The following KIRREL3 variants were observed in gnomAD, a reference collection of about 807,000 sequenced individuals.
KIRREL3 encodes the protein kirre like nephrin family adhesion molecule 3.
A neutral mutation model predicts 89.7 loss-of-function variants in KIRREL3; 36 were observed. The observed-to-expected ratio is 0.40, with a 90% CI of 0.31 to 0.53. The LOEUF (loss-of-function observed/expected upper bound fraction) is 0.53. Among genes scored for constraint, KIRREL3 ranks in the 20% least tolerant of loss-of-function variants. The pLI is 0.49. For missense variants in KIRREL3, 864 were observed against 1,056.6 expected, an observed-to-expected ratio of 0.82 and a Z score of 2.53; for synonymous variants, 445 against 441.4, an observed-to-expected ratio of 1.01 and a Z score of -0.10.
intron 1 of KIRREL3, among the ~76,000 whole-genome samples, chr11:126,862,835 A>G (rs1944747240): frequency 6.6e-6 from 1 of 152,226 alleles, no homozygotes. Flanking sequence ...TTGACAGTGT[A>G]GACACTCGAG....
Position 126,424,388 on chromosome 11 carries a change from T to G in KIRREL3, c.*192A>C, listed in dbSNP as rs1206634922. ...GTCTGTCTCCCCACCCGCCCACCTC[T>G]GGCACACAGCACCTGGGGACCCAGA... is the stretch of plus-strand genomic sequence containing the variant. On this transcript the variant is annotated 3_prime_UTR_variant, in exon 17 of 17. Transcript: ENST00000525144. The G allele has an allele frequency of 2.9e-5, 11 of 383,028 alleles. No individual in the cohort carries two copies. Among genetic ancestry groups the G allele is most frequent in the East Asian group, 6.6e-5 (1 of 15,228 alleles). The allele number at this position is 383,028 out of a possible 1,614,324, so 23.7% of individuals were successfully genotyped here. A position where few individuals can be genotyped will look rare whatever the true frequency, so the allele number is the denominator to read the frequency against.
At chr11:126,472,703 G>GGAGAGGGAGAGAGAGAGAGAGAGAGA (rs1843646588) in intron 5 of KIRREL3, among the ~76,000 whole-genome samples, 2 of 134,144 alleles carry the variant, frequency 1.5e-5, no homozygotes, top group African/African-American at 5.6e-5. Context: ...AGGACATAGA[G>GGAGAGGGAGAGAGAGAGAGAGAGAGA]GAGAGAGAGA....
chr11:126,629,002 C>T (rs973650596), intron 1 of KIRREL3, among the ~76,000 whole-genome samples: 1 of 152,208 alleles, frequency 6.6e-6, no homozygotes. Context: ...GAATGACTGG[C>T]CATGGAATGC....
chr11:126,509,866 G>A (rs1219016873), intron 4 of KIRREL3, among the ~76,000 whole-genome samples: 2 of 151,834 alleles, frequency 1.3e-5, no homozygotes, highest in Non-Finnish European at 2.9e-5. Context: ...GCGTGGTGGT[G>A]CACATCTGTA....
In KIRREL3 at chr11:126,582,163, G is replaced by C. The variant is rs879435564; in HGVS notation, c.56-19251C>G. The stretch of plus-strand genomic sequence containing the variant: ...ACTGGGTGATACTGAGCCAATCGTG[G>C]AGCCTCTCTGGGCTTTTGTCTTCTC... On this transcript the variant is annotated intron_variant, in intron 1 of 16. Coordinates refer to ENST00000525144, the MANE Select transcript of KIRREL3 (RefSeq NM_032531.4). Among the ~76,000 whole-genome samples the C allele has an allele frequency of 3.9e-5, 6 of 152,192 alleles. No homozygotes were observed. The East Asian group carries it at 5.8e-4, about 15-fold the overall frequency.
intron 1 of KIRREL3, chr11:126,920,400 C>T (rs1487274487): frequency 6.6e-6 from 1 of 152,196 alleles, no homozygotes; most frequent in Non-Finnish European, 1.5e-5. Flanking sequence ...AGTTAAATCT[C>T]CCTCAATGTG....
chr11:126,572,576 C>G (rs941953207), intron 1 of KIRREL3, among the ~76,000 whole-genome samples: 11 of 140,260 alleles, frequency 7.8e-5, no homozygotes, highest in Non-Finnish European at 1.1e-4. Flanking sequence ...GAGGGGACCC[C>G]CCCCCCGCCA....
At position 126,432,772 on chromosome 11, in the gene KIRREL3, T is replaced by C. The variant is rs1246972317; in HGVS notation, c.1589-1246A>G. Among the ~76,000 whole-genome samples the C allele has an allele frequency of 6.6e-6, 1 of 152,214 alleles. No homozygotes were observed. Among genetic ancestry groups the C allele is most frequent in the Non-Finnish European group, 1.5e-5 (1 of 68,036 alleles). On this transcript the variant is annotated intron_variant, in intron 13 of 16. Coordinates refer to ENST00000525144, the MANE Select transcript of KIRREL3 (RefSeq NM_032531.4). This position sits in a 1 kb window ranked among gnomAD's most constrained non-coding sequence, Gnocchi z 6.2. ...GTACCGGCCCCTCTGAGGGTTGTTA[T>C]GGGCTTGAGCTGGGTGAATGTGGGC...
chr11:126,863,614 C>A (rs377345161), intron 1 of KIRREL3, among the ~76,000 whole-genome samples: 3 of 18,840 alleles, frequency 1.6e-4, no homozygotes, highest in Non-Finnish European at 2.6e-4. Context: ...TGTTTGCGTG[C>A]GTGTGTGTGT....
rs113641777 is a variant in KIRREL3 at position 126,507,230 on chromosome 11, G to A, written c.433+14085C>T. The stretch of plus-strand genomic sequence containing the variant: ...TGGGAGTGAGGATTGACAAGGGATC[G>A]TTTTAGGGTGATGAAAATGTTCTAA... On this transcript the variant is annotated intron_variant, in intron 4 of 16. Coordinates refer to ENST00000525144, the MANE Select transcript of KIRREL3 (RefSeq NM_032531.4). Among the ~76,000 whole-genome samples the A allele has an allele frequency of 2.7e-3, 406 of 152,062 alleles. 2 individuals carry two copies. Among genetic ancestry groups the A allele is most frequent in the African/African-American group, 9.2e-3 (380 of 41,338 alleles).
chr11:126,863,487 G>C (rs1207881471), intron 1 of KIRREL3, among the ~76,000 whole-genome samples: 1 of 49,940 alleles, frequency 2.0e-5, no homozygotes, highest in Non-Finnish European at 3.9e-5. Context: ...GCGTGTGTGA[G>C]TGCGTGTGTG....
rs1275457308 is a variant in KIRREL3 at position 126,931,017 on chromosome 11, C to A, written c.55+69438G>T. On this transcript the variant is annotated intron_variant, in intron 1 of 16. Coordinates refer to ENST00000525144, the MANE Select transcript of KIRREL3 (RefSeq NM_032531.4). The surrounding 1 kb of genome is among the most constrained non-coding windows in gnomAD (Gnocchi z 5.1). The stretch of plus-strand genomic sequence containing the variant: ...TCTGCCAGAATTCCCCTATCCATCT[C>A]CCACTCTCACACAGGACGAGTGTAG... 6.6e-6 allele frequency among the ~76,000 whole-genome samples: 1 copy of A among 152,202 alleles called. No individual in the cohort carries two copies. The highest frequency in any genetic ancestry group is 2.4e-5 in the African/African-American group (1 of 41,454).
At chr11:126,646,547 T>C (rs1261964048) in intron 1 of KIRREL3, among the ~76,000 whole-genome samples, 3 of 148,336 alleles carry the variant, frequency 2.0e-5, no homozygotes, top group African/African-American at 7.4e-5. Context: ...TGACCTCGGC[T>C]CACTGCAAAC....
At position 126,697,113 on chromosome 11, in the gene KIRREL3, C is replaced by T. The variant is rs1451191340; in HGVS notation, c.56-134201G>A. On this transcript the variant is annotated intron_variant, in intron 1 of 16. Coordinates refer to ENST00000525144, the MANE Select transcript of KIRREL3 (RefSeq NM_032531.4). The surrounding 1 kb of genome is among the most constrained non-coding windows in gnomAD (Gnocchi z 4.2). ...CCTTCGGGCTGCGGCTTAGCATGTT[C>T]CCCTCAGCCTCCTTGCAAATGAAGG... 6.6e-6 allele frequency among the ~76,000 whole-genome samples: 1 copy of T among 152,332 alleles called. No homozygotes were observed. Among genetic ancestry groups the T allele is most frequent in the South Asian group, 2.1e-4 (1 of 4,824 alleles).
At position 126,521,498 on chromosome 11, in the gene KIRREL3, G is replaced by A. The variant is rs1425669105; in HGVS notation, c.284-34C>T. 1.9e-6 allele frequency: 3 copies of A among 1,558,484 alleles called. No individual in the cohort carries two copies. The South Asian group carries it at 3.5e-5, about 18-fold the overall frequency. ...ACAACAGGCAGGTCAGGGAGCTGGGGTGGGGTGGAGGGGACACCCATGACA... is the reference window on the plus strand; with the variant it reads ...ACAACAGGCAGGTCAGGGAGCTGGGATGGGGTGGAGGGGACACCCATGACA... On this transcript the variant is annotated intron_variant, in intron 3 of 16. Transcript: ENST00000525144. The surrounding 1 kb of genome is among the most constrained non-coding windows in gnomAD (Gnocchi z 4.1).
In KIRREL3 at chr11:126,867,081, G is replaced by A. The variant is rs1358800967; in HGVS notation, c.55+133374C>T. 1.3e-5 allele frequency among the ~76,000 whole-genome samples: 2 copies of A among 152,176 alleles called. No homozygotes were observed. The highest frequency in any genetic ancestry group is 6.5e-5 in the Admixed American group (1 of 15,282). On this transcript the variant is annotated intron_variant, in intron 1 of 16. Transcript: ENST00000525144. This position sits in a 1 kb window ranked among gnomAD's most constrained non-coding sequence, Gnocchi z 4.7. ...ACTGAAAGAGCACACTGTAACACAC[G>A]CCCACTGGGGCTTCAGGAGCTGTAA...
chr11:126,748,324 TA>T lies in KIRREL3; in HGVS notation c.56-185413del, dbSNP rs1949221942. 6.6e-6 allele frequency among the ~76,000 whole-genome samples: 1 copy of T among 152,134 alleles called. No individual in the cohort carries two copies. Among genetic ancestry groups the T allele is most frequent in the South Asian group, 2.1e-4 (1 of 4,822 alleles). The stretch of plus-strand genomic sequence containing the variant: ...AAGCCCCAGGAAACTGTGACAGCAA[TA>T]AAAGAACTAAATGTTTTCTAGGTCA... On this transcript the variant is annotated intron_variant, in intron 1 of 16. Coordinates refer to ENST00000525144, the MANE Select transcript of KIRREL3 (RefSeq NM_032531.4). This position sits in a 1 kb window ranked among gnomAD's most constrained non-coding sequence, Gnocchi z 4.6.
intron 4 of KIRREL3, among the ~76,000 whole-genome samples, chr11:126,504,460 T>G (rs1360957186): frequency 6.6e-6 from 1 of 152,236 alleles, no homozygotes; most frequent in Non-Finnish European, 1.5e-5. Flanking sequence ...TATGAGTCTT[T>G]GTTTACACAA....
intron 1 of KIRREL3, among the ~76,000 whole-genome samples, chr11:126,654,591 TCACCCCAGAG>T (rs1188214724): frequency 1.3e-5 from 2 of 152,080 alleles, no homozygotes; most frequent in African/African-American, 2.4e-5. Context: ...TGTCCTTCCC[TCACCCCAGAG>T]CACAGTAACC....
Sources: gnomAD v4.1 joint callset for allele counts (sites outside exome capture counted in the v4.1 genomes callset) on GRCh38, gnomAD v4.1.1 for gene constraint, Gnocchi (gnomAD v3.1) non-coding constraint, MANE v1.5 for transcripts, NCBI Gene and HGNC (gene_info 2026-07-23, HGNC 2026-07-21) for gene names.